TUBA3D: variants seen among roughly 807,000 people sequenced by gnomAD.
TUBA3D encodes the protein tubulin alpha-3D chain.
Under a neutral mutation model 36.1 loss-of-function variants are expected in TUBA3D, and 24 were observed. That is an observed-to-expected ratio of 0.66 (90% CI 0.48 to 0.93). TUBA3D has a LOEUF of 0.93. TUBA3D is among the 40% of genes least tolerant of loss of function. TUBA3D has a pLI of 0.00. For missense variants in TUBA3D, 356 were observed against 614.5 expected (o/e 0.58, Z 4.45); for synonymous variants, 185 against 247.2 (o/e 0.75, Z 2.36).
rs1678818317 is a variant in TUBA3D, at chr2:131,480,396, G to A, written c.703G>A (p.Val235Met). The A allele has an allele frequency of 6.3e-7, 1 of 1,598,980 alleles. No individual in the cohort carries two copies. Among genetic ancestry groups the A allele is most frequent in the Non-Finnish European group, 8.5e-7 (1 of 1,176,416 alleles). ...TNLNRLIGQIVSSITASLRFD... is the reference protein window; with the variant it reads ...TNLNRLIGQIMSSITASLRFD... The stretch of plus-strand genomic sequence containing the variant: ...CCTCAATCGCCTGATTGGGCAGATC[G>A]TGTCCTCCATCACAGCCTCCCTGCG... Residue 235 changes from valine to methionine, a missense_variant, in exon 4 of 5, where the codon GTG becomes ATG. Val to Met is a conservative substitution (Grantham distance 21). This residue lies in a region of TUBA3D where 91 missense variants were observed against 240.9 expected (regional missense o/e 0.38). Coordinates refer to ENST00000321253, the MANE Select transcript of TUBA3D (RefSeq NM_080386.4).
Position 131,480,655 on chromosome 2 carries a change from G to A in TUBA3D, c.962G>A (p.Gly321Glu). 1 of 1,613,806 alleles carries A rather than the reference G, an allele frequency of 6.2e-7. No homozygotes were observed. The highest frequency in any genetic ancestry group is 8.5e-7 in the Non-Finnish European group (1 of 1,180,036). ...ATGGCCTGCTGCATGTTGTACAGGGGGGACGTGGTCCCCAAAGACGTCAAC... is the reference window on the plus strand; with the variant it reads ...ATGGCCTGCTGCATGTTGTACAGGGAGGACGTGGTCCCCAAAGACGTCAAC... ...KYMACCMLYR[G>E]DVVPKDVNAA... Residue 321 changes from glycine to glutamate, a missense_variant, in exon 4 of 5, where the codon GGG (glycine) becomes GAG (glutamate). This residue lies in a region of TUBA3D where 156 missense variants were observed against 219.8 expected (regional missense o/e 0.71). Coordinates refer to ENST00000321253, the MANE Select transcript of TUBA3D (RefSeq NM_080386.4).
chr2:131,477,794 G>A (rs1039529365), intron 1 of TUBA3D, among the ~76,000 whole-genome samples: 4 of 151,914 alleles, frequency 2.6e-5, no homozygotes, highest in Non-Finnish European at 4.4e-5. Flanking sequence ...TACCCAACCC[G>A]ACTACCTTAT....
At chr2:131,478,893 G>A (rs557593232) in intron 2 of TUBA3D, 2 of 209,830 alleles carry the variant, frequency 9.5e-6, no homozygotes, top group South Asian at 1.2e-4. Flanking sequence ...CTGAAAGCCT[G>A]TGGGACCCAG....
chr2:131,476,223 G>A (rs1243515037), intron 1 of TUBA3D, 21 bp downstream of exon 1: 5 of 1,613,792 alleles, frequency 3.1e-6, no homozygotes, highest in Admixed American at 1.7e-5. Context: ...GGTCACTCCC[G>A]CCCCGCAGAT....
intron 1 of TUBA3D, among the ~76,000 whole-genome samples, chr2:131,477,106 C>A (rs1446261397): frequency 6.6e-6 from 1 of 151,402 alleles, no homozygotes; most frequent in African/African-American, 2.4e-5. Context: ...TGCAGGATCA[C>A]GGCTCCCTGC....
chr2:131,477,037 C>CTTTTCTTTTTTTTTTTT (rs1559345885), intron 1 of TUBA3D, among the ~76,000 whole-genome samples: 1 of 108,708 alleles, frequency 9.2e-6, no homozygotes, highest in African/African-American at 6.8e-5. Context: ...CTTTTTCTTT[C>CTTTTCTTTTTTTTTTTT]TTTTTTTTTT....
chr2:131,479,262 G>T, intron 2 of TUBA3D, 46 bp from the exon 3 acceptor site: 2 of 1,595,806 alleles, frequency 1.3e-6, no homozygotes, highest in Non-Finnish European at 1.7e-6. Context: ...CCATCTTGGT[G>T]AGTACAGGCC....
At chr2:131,479,847 C>G (rs556128013) in intron 3 of TUBA3D, among the ~76,000 whole-genome samples, 1 of 152,084 alleles carries the variant, frequency 6.6e-6, no homozygotes, top group Admixed American at 6.5e-5. Flanking sequence ...CTCAAACAAA[C>G]AAGCAAAAAC....
In TUBA3D at chr2:131,480,643, T is replaced by C. The variant is rs1573861643; in HGVS notation, c.950T>C (p.Met317Thr). The C allele has an allele frequency of 3.1e-6, 5 of 1,613,824 alleles. No homozygotes were observed. The East Asian group carries it at 6.7e-5, about 22-fold the overall frequency. The stretch of plus-strand genomic sequence containing the variant: ...CACGGCAAGTACATGGCCTGCTGCA[T>C]GTTGTACAGGGGGGACGTGGTCCCC... Reference protein sequence around the residue: ...PRHGKYMACCMLYRGDVVPKD... With the variant: ...PRHGKYMACCTLYRGDVVPKD... Residue 317 changes from methionine (M) to threonine (T), a missense_variant, in exon 4 of 5, where the codon ATG becomes ACG. Transcript: ENST00000321253.
At chr2:131,477,488 G>A (rs2253445) in intron 1 of TUBA3D, among the ~76,000 whole-genome samples, 1 of 152,042 alleles carries the variant, frequency 6.6e-6, no homozygotes, top group Non-Finnish European at 1.5e-5. Flanking sequence ...CCAAAAGTGT[G>A]GCCTTGAGAG....
rs1678716926 is a variant in TUBA3D at position 131,477,610 on chromosome 2, A to G, written c.4-554A>G. ...ACTGCTGCCTGCCATTGACCAAACC[A>G]GCAAGAAGCCAGAGGGCGAGGAAGG... On this transcript the variant is annotated intron_variant, in intron 1 of 4. Transcript: ENST00000321253. 1.1e-4 allele frequency among the ~76,000 whole-genome samples: 17 copies of G among 151,084 alleles called. No homozygotes were observed. In the South Asian group the frequency reaches 3.5e-3, roughly 31 times the overall value.
intron 1 of TUBA3D, among the ~76,000 whole-genome samples, chr2:131,477,449 G>A (rs1400777820): frequency 6.6e-6 from 1 of 152,134 alleles, no homozygotes; most frequent in Admixed American, 6.5e-5. Context: ...AAGAAATTGG[G>A]AGGGTAGTTT....
At position 131,480,647 on chromosome 2, in the gene TUBA3D, G is replaced by A; in HGVS notation, c.954G>A (p.Leu318=). 1 of 1,613,812 alleles carries A rather than the reference G, an allele frequency of 6.2e-7. No individual in the cohort carries two copies. Among genetic ancestry groups the A allele is most frequent in the Non-Finnish European group, 8.5e-7 (1 of 1,180,044 alleles). ...RHGKYMACCM[L]YRGDVVPKDV... is the part of the protein sequence containing the mutation. ...GCAAGTACATGGCCTGCTGCATGTT[G>A]TACAGGGGGGACGTGGTCCCCAAAG... Residue 318 remains leucine (L), a synonymous_variant, in exon 4 of 5, where the codon TTG becomes TTA. Transcript: ENST00000321253.
In TUBA3D at chr2:131,482,932, C is replaced by G; in HGVS notation, c.*84C>G. On this transcript the variant is annotated 3_prime_UTR_variant, in exon 5 of 5. Transcript: ENST00000321253. ...TGCAATTAAAGGTTCTGTATAAAAC[C>G]AAGCCCTCTGTGTGTCGTGCAGCTT... 6.4e-7 allele frequency: 1 copy of G among 1,551,310 alleles called. No individual in the cohort carries two copies. The highest frequency in any genetic ancestry group is 8.7e-7 in the Non-Finnish European group (1 of 1,147,902).
At position 131,480,376 on chromosome 2, in the gene TUBA3D, A is replaced by G. The variant is rs746027442; in HGVS notation, c.683A>G (p.Asn228Ser). 1.2e-6 allele frequency: 2 copies of G among 1,607,684 alleles called. No homozygotes were observed. Among genetic ancestry groups the G allele is most frequent in the Middle Eastern group, 1.7e-4 (1 of 5,806 alleles). The change falls in exon 4 of 5, where the codon AAT becomes AGT. Residue 228 changes from asparagine to serine, a missense_variant. Around this residue, in one of 3 missense-constraint regions of TUBA3D, gnomAD observed 91 missense variants for 240.9 expected, o/e 0.38. Transcript: ENST00000321253. Reference sequence around the variant, plus strand: ...GAACGTCCCACGTACACCAACCTCAATCGCCTGATTGGGCAGATCGTGTCC... The same window carrying G: ...GAACGTCCCACGTACACCAACCTCAGTCGCCTGATTGGGCAGATCGTGTCC... Reference protein sequence around the residue: ...DIERPTYTNLNRLIGQIVSSI... With the variant: ...DIERPTYTNLSRLIGQIVSSI...
rs1573862034 is a variant in TUBA3D, at chr2:131,480,820, C to G, written c.1056+71C>G. 4 of 1,561,326 alleles carry G rather than the reference C, an allele frequency of 2.6e-6. No homozygotes were observed. The East Asian group carries it at 9.0e-5, about 35-fold the overall frequency. On this transcript the variant is annotated intron_variant, in intron 4 of 4. Transcript: ENST00000321253. ...CAAAATAACACTGGCCCTGAAGGCC[C>G]ACATCCTTTGGGGAGATTATCCCTG...
Position 131,482,663 on chromosome 2 carries a change from C to G in TUBA3D, c.1168C>G (p.Arg390Gly), listed in dbSNP as rs569698228. ...CACGGCCATTGCGGAGGCCTGGGCC[C>G]GCCTGGACCATAAGTTCGATCTCAT... ...NTTAIAEAWA[R>G]LDHKFDLMYA... Residue 390 changes from arginine to glycine, a missense_variant, in exon 5 of 5, where the codon CGC (arginine) becomes GGC (glycine). Arg to Gly is a moderately radical substitution (Grantham distance 125, BLOSUM62 -2). Coordinates refer to ENST00000321253, the MANE Select transcript of TUBA3D (RefSeq NM_080386.4). 2.8e-5 allele frequency: 46 copies of G among 1,614,038 alleles called. No individual in the cohort carries two copies. Among genetic ancestry groups the G allele is most frequent in the Non-Finnish European group, 3.8e-5 (45 of 1,180,034 alleles).
chr2:131,478,554 T>G (rs913855300), intron 2 of TUBA3D, among the ~76,000 whole-genome samples, 168 bp downstream of exon 2: 3 of 152,246 alleles, frequency 2.0e-5, no homozygotes, highest in Admixed American at 6.5e-5. Flanking sequence ...AAAGTGTCTG[T>G]GAGACTCGGC....
chr2:131,480,910 CT>C (rs375835410), intron 4 of TUBA3D, among the ~76,000 whole-genome samples, 161 bp downstream of exon 4: 229 of 145,704 alleles, frequency 1.6e-3, no homozygotes, highest in Middle Eastern at 3.6e-3. Flanking sequence ...TCAGTGATTT[CT>C]TTTTTTTTTT....
Sources: allele counts gnomAD v4.1 joint callset (sites outside exome capture counted in the v4.1 genomes callset), GRCh38; gene constraint gnomAD v4.1.1; regional missense constraint gnomAD v4.1.1; transcripts MANE v1.5; gene names NCBI Gene and HGNC (gene_info 2026-07-23, HGNC 2026-07-21).